Variants in ATP2B2 observed in about 807,000 individuals in gnomAD.
ATP2B2 encodes the protein plasma membrane calcium-transporting ATPase 2.
Under a neutral mutation model 120.0 loss-of-function variants are expected in ATP2B2, and 15 were observed. That is an observed-to-expected ratio of 0.12 (90% CI 0.08 to 0.19). The LOEUF (loss-of-function observed/expected upper bound fraction) is 0.19. Ranked by LOEUF, ATP2B2 falls within the 10% of genes least tolerant of loss-of-function variation. The pLI, the probability that ATP2B2 is intolerant of heterozygous loss-of-function variation, is 1.00. For missense variants in ATP2B2, 1,045 were observed against 1,719.8 expected (o/e 0.61, Z 6.94); for synonymous variants, 694 against 700.3 (o/e 0.99, Z 0.14).
intron 12 of ATP2B2, among the ~76,000 whole-genome samples, chr3:10,365,611 G>A (rs1032248706): frequency 5.3e-5 from 8 of 150,828 alleles, no homozygotes; most frequent in Non-Finnish European, 1.0e-4. Flanking sequence ...TGTGTGTGAT[G>A]CATGGGGTGT....
At chr3:10,563,739 C>G (rs141314742) in intron 2 of ATP2B2, among the ~76,000 whole-genome samples, 2 of 152,342 alleles carry the variant, frequency 1.3e-5, no homozygotes, top group East Asian at 1.9e-4. Context: ...AGTGTTCCAG[C>G]CACCTGACTA....
chr3:10,694,824 A>T (rs2071717720), intron 1 of ATP2B2, among the ~76,000 whole-genome samples: 1 of 152,076 alleles, frequency 6.6e-6, no homozygotes, highest in Non-Finnish European at 1.5e-5. Flanking sequence ...TTAAGTAGGG[A>T]TGTCTGCCTG....
chr3:10,573,002 C>T (rs575670472), intron 2 of ATP2B2, among the ~76,000 whole-genome samples: 149 of 152,278 alleles, frequency 9.8e-4, no homozygotes, highest in African/African-American at 2.0e-3. Flanking sequence ...GCAGACGGGA[C>T]GTGCAGATTC....
intron 3 of ATP2B2, among the ~76,000 whole-genome samples, chr3:10,404,743 C>A (rs2062352400): frequency 6.6e-6 from 1 of 152,132 alleles, no homozygotes; most frequent in Non-Finnish European, 1.5e-5. Flanking sequence ...CCATGAATGA[C>A]ACCAATAGAG....
Position 10,550,007 on chromosome 3 carries a change from A to G in ATP2B2, c.-414-15874T>C, listed in dbSNP as rs1190275157. Among the ~76,000 whole-genome samples the G allele has an allele frequency of 6.6e-5, 10 of 152,352 alleles. No homozygotes were observed. In the East Asian group the frequency reaches 1.9e-3, roughly 29 times the overall value. On this transcript the variant is annotated intron_variant, in intron 2 of 21. Transcript: ENST00000646379. ...AAAATGGCCTGACTCCAAATCCTAT[A>G]TATTTCTCATATCTTGCTATGGGAT...
chr3:10,353,749 T>C (rs2060639660), intron 14 of ATP2B2, among the ~76,000 whole-genome samples: 1 of 152,044 alleles, frequency 6.6e-6, no homozygotes, highest in Admixed American at 6.5e-5. Context: ...ATGAGAAAAA[T>C]GAAGCTAATT....
At chr3:10,577,051 CAAAAAAA>C (rs71055823) in intron 2 of ATP2B2, among the ~76,000 whole-genome samples, 8 of 109,356 alleles carry the variant, frequency 7.3e-5, no homozygotes, top group Non-Finnish European at 1.1e-4. Flanking sequence ...GACTCTGTGT[CAAAAAAA>C]AAAAAAAAAA....
chr3:10,571,333 G>A (rs2068120621), intron 2 of ATP2B2, among the ~76,000 whole-genome samples: 1 of 152,256 alleles, frequency 6.6e-6, no homozygotes. Context: ...CAGCAGGGAT[G>A]CCAGAGGGCC....
chr3:10,328,548 G>A lies in ATP2B2; in HGVS notation c.*266C>T. The stretch of plus-strand genomic sequence containing the variant: ...TGGTCCATGTCTGGGTGGGAGCCAG[G>A]AAGGGCTTGTTTTGGGAAAACCGCT... On this transcript the variant is annotated 3_prime_UTR_variant, in exon 23 of 23. Transcript: ENST00000360273. The A allele has an allele frequency of 4.4e-6, 2 of 458,966 alleles. No individual in the cohort carries two copies. Among genetic ancestry groups the A allele is most frequent in the Non-Finnish European group, 3.9e-6 (1 of 256,482 alleles). 28.4% of individuals were successfully genotyped at this position (458,966 alleles called of 1,614,324 possible). A position where few individuals can be genotyped will look rare whatever the true frequency, so the allele number is the denominator to read the frequency against.
At position 10,378,259 on chromosome 3, in the gene ATP2B2, C is replaced by G; in HGVS notation, c.1194G>C (p.Gly398=). Residue 398 remains glycine, a synonymous_variant, in exon 10 of 23, where the codon GGG becomes GGC. Coordinates refer to ENST00000360273, the MANE Select transcript of ATP2B2 (RefSeq NM_001001331.4). The part of the protein sequence containing the change: ...GKLTKLAVQI[G]KAGLVMSAIT... ...CCCACCTGCTGCACTCACCCGCCTT[C>G]CCGATCTGCACAGCCAGCTTGGTGA... 1 of 1,607,360 alleles carries G rather than the reference C, an allele frequency of 6.2e-7. No individual in the cohort carries two copies. The highest frequency in any genetic ancestry group is 8.5e-7 in the Non-Finnish European group (1 of 1,179,950).
chr3:10,367,612 C>T (rs1053465948), intron 12 of ATP2B2, among the ~76,000 whole-genome samples: 3 of 152,136 alleles, frequency 2.0e-5, no homozygotes, highest in African/African-American at 7.2e-5. Flanking sequence ...CAACAGCCCT[C>T]GGACAAACAG....
chr3:10,409,288 T>A (rs1054768293), intron 3 of ATP2B2, among the ~76,000 whole-genome samples: 1 of 152,226 alleles, frequency 6.6e-6, no homozygotes, highest in Non-Finnish European at 1.5e-5. Context: ...AGAAATGTCA[T>A]CTTCCTAAAT....
intron 3 of ATP2B2, among the ~76,000 whole-genome samples, chr3:10,529,406 A>C (rs928103467): frequency 1.3e-5 from 2 of 152,194 alleles, no homozygotes; most frequent in African/African-American, 4.8e-5. Context: ...TCTAGCATAT[A>C]GTTGTGCTGA....
intron 3 of ATP2B2, among the ~76,000 whole-genome samples, chr3:10,532,487 G>C (rs1280072563): frequency 1.3e-5 from 2 of 152,198 alleles, no homozygotes; most frequent in Admixed American, 1.3e-4. Context: ...TTCAGGAGGA[G>C]GAGAGGAGCG....
chr3:10,623,633 C>T (rs998767375), intron 1 of ATP2B2, among the ~76,000 whole-genome samples: 1 of 152,184 alleles, frequency 6.6e-6, no homozygotes, highest in African/African-American at 2.4e-5. Context: ...CTGCCTGCAT[C>T]CTGAAGGTCT....
chr3:10,430,733 C>G (rs1004960666), intron 2 of ATP2B2, among the ~76,000 whole-genome samples: 6 of 151,664 alleles, frequency 4.0e-5, no homozygotes, highest in African/African-American at 1.5e-4. Flanking sequence ...GAACTTGGAG[C>G]TGTCAGCTGA....
intron 1 of ATP2B2, among the ~76,000 whole-genome samples, chr3:10,645,464 T>A (rs2070298598): frequency 6.6e-6 from 1 of 152,168 alleles, no homozygotes; most frequent in South Asian, 2.1e-4. Context: ...AGGTGAGGTG[T>A]AAGGAGGTTT....
At chr3:10,585,302 TG>T (rs1366444816) in intron 2 of ATP2B2, among the ~76,000 whole-genome samples, 7 of 150,398 alleles carry the variant, frequency 4.7e-5, no homozygotes, top group African/African-American at 1.7e-4. Flanking sequence ...GAGACCATCC[TG>T]GCTAACCAGG....
intron 1 of ATP2B2, among the ~76,000 whole-genome samples, chr3:10,478,603 G>A (rs745692083): frequency 6.6e-6 from 1 of 152,140 alleles, no homozygotes; most frequent in African/African-American, 2.4e-5. Flanking sequence ...GCCACCAAAG[G>A]CCTCATCTTC....
Sources: allele counts gnomAD v4.1 joint callset (sites outside exome capture counted in the v4.1 genomes callset), GRCh38; gene constraint gnomAD v4.1.1; transcripts MANE v1.5; gene names NCBI Gene and HGNC (gene_info 2026-07-23, HGNC 2026-07-21).